Variants in ADD1 observed in about 807,000 individuals in gnomAD.
ADD1 encodes alpha-adducin.
A neutral mutation model predicts 80.5 loss-of-function variants in ADD1; 24 were observed. That is an observed-to-expected ratio of 0.30 (90% confidence interval 0.22 to 0.42). The LOEUF is 0.42. ADD1 is among the 10% of genes least tolerant of loss of function. The pLI is 1.00. For missense variants in ADD1, 948 were observed against 1,019.0 expected (o/e 0.93, Z 0.95); for synonymous variants, 373 against 393.8 (o/e 0.95, Z 0.63).
chr4:2,921,230 C>A lies in ADD1; in HGVS notation c.1949-4784C>A, dbSNP rs1413431935. Among the ~76,000 whole-genome samples, 4 of 152,266 alleles carry A rather than the reference C, an allele frequency of 2.6e-5. No homozygotes were observed. In the East Asian group the frequency reaches 7.7e-4, roughly 29 times the overall value. ...GCAAGCTCCGCCTCCAGGGTTCACA[C>A]CATTCTCCTGCCTCAGCCTCCCCAG... On this transcript the variant is annotated intron_variant, in intron 14 of 15. Coordinates refer to ENST00000683351, the MANE Select transcript of ADD1 (RefSeq NM_001354761.2).
intron 9 of ADD1, among the ~76,000 whole-genome samples, chr4:2,904,355 A>C (rs1411571959): frequency 6.6e-6 from 1 of 152,150 alleles, no homozygotes; most frequent in African/African-American, 2.4e-5. Flanking sequence ...GTTGTTTTGC[A>C]TCTTCTGCAC....
chr4:2,909,073 T>C (rs1737555737), intron 12 of ADD1: 7 of 516,334 alleles, frequency 1.4e-5, no homozygotes, highest in Non-Finnish European at 1.1e-5. Flanking sequence ...ACATTGAAGA[T>C]AATTGTGTAA....
Position 2,898,216 on chromosome 4 carries a change from C to G in ADD1, c.774C>G (p.Ile258Met). Residue 258 changes from isoleucine to methionine, a missense_variant, in exon 7 of 16, where the codon ATC (isoleucine) becomes ATG (methionine). Physicochemically the swap from Ile to Met is conservative, Grantham distance 10 (BLOSUM62 1). Transcript: ENST00000683351. ...CAATGAAATGTGGCCTCTTGCCAAT[C>G]TCCCCGGAGGCGCTTTCCCTTGGAG... ...VSAMKCGLLP[I>M]SPEALSLGEV... The G allele has an allele frequency of 6.2e-7, 1 of 1,613,810 alleles. No homozygotes were observed. The highest frequency in any genetic ancestry group is 8.5e-7 in the Non-Finnish European group (1 of 1,179,830).
rs147240208 is a variant in ADD1 at position 2,919,561 on chromosome 4, T to C, written c.1948+4521T>C. Reference sequence around the variant, plus strand: ...GGTTTGACTTCCTCCTGGTTTAGTCTTGGGAGGGTGTATGTATCCAGGAAT... The same window carrying C: ...GGTTTGACTTCCTCCTGGTTTAGTCCTGGGAGGGTGTATGTATCCAGGAAT... On this transcript the variant is annotated intron_variant, in intron 14 of 15. Coordinates refer to ENST00000683351, the MANE Select transcript of ADD1 (RefSeq NM_001354761.2). 1.1e-3 allele frequency among the ~76,000 whole-genome samples: 167 copies of C among 152,338 alleles called. 1 individual carries two copies. Among genetic ancestry groups the C allele is most frequent in the Admixed American group, 3.6e-3 (55 of 15,314 alleles).
At chr4:2,897,561 T>TA (rs1735459998) in intron 6 of ADD1, among the ~76,000 whole-genome samples, 1 of 147,802 alleles carries the variant, frequency 6.8e-6, no homozygotes, top group South Asian at 2.1e-4. Context: ...TTTTTTTTTT[T>TA]TTTTAGGAGA....
intron 14 of ADD1, among the ~76,000 whole-genome samples, chr4:2,921,350 G>T (rs1281229102): frequency 1.3e-5 from 2 of 152,078 alleles, no homozygotes; most frequent in Admixed American, 1.3e-4. Flanking sequence ...GGATGGTCTC[G>T]ATCTCTTGTC....
rs370224375 is a variant in ADD1 at position 2,852,207 on chromosome 4, C to CCTTTCTTTCCTTTCTTTCCTTT, written c.-21+8188_-21+8189insTTTCCTTTCTTTCCTTTCTTTC. On this transcript the variant is annotated intron_variant, in intron 1 of 15. Transcript: ENST00000683351. Reference sequence around the variant, plus strand: ...CTTTCTTTCTTTCTTTCCTTTCTTTCCTTTCCTTTCTTTCCTTTCTTTCCT... The same window carrying CCTTTCTTTCCTTTCTTTCCTTT: ...CTTTCTTTCTTTCTTTCCTTTCTTTCCTTTCTTTCCTTTCTTTCCTTTCTTTCCTTTCTTTCCTTTCTTTCCT... 1.3e-3 allele frequency among the ~76,000 whole-genome samples: 89 copies of CCTTTCTTTCCTTTCTTTCCTTT among 66,140 alleles called. 1 individual carries two copies. Among genetic ancestry groups the CCTTTCTTTCCTTTCTTTCCTTT allele is most frequent in the Middle Eastern group, 6.2e-3 (1 of 162 alleles). 43.4% of individuals were successfully genotyped at this position (66,140 alleles called of 152,430 possible). A position where few individuals can be genotyped will look rare whatever the true frequency, so the allele number is the denominator to read the frequency against.
intron 1 of ADD1, among the ~76,000 whole-genome samples, chr4:2,845,571 G>A (rs1196344088): frequency 1.3e-5 from 2 of 152,180 alleles, no homozygotes; most frequent in African/African-American, 2.4e-5. Context: ...GTTTCGGAGA[G>A]TCGCTGAGTG....
At chr4:2,894,993 G>A (rs1734956827) in intron 6 of ADD1, among the ~76,000 whole-genome samples, 1 of 152,144 alleles carries the variant, frequency 6.6e-6, no homozygotes. Flanking sequence ...GGGCATGGTG[G>A]CTCATGCCTG....
intron 1 of ADD1, among the ~76,000 whole-genome samples, chr4:2,870,248 C>G (rs1346495900): frequency 6.6e-6 from 1 of 152,208 alleles, no homozygotes; most frequent in Non-Finnish European, 1.5e-5. Flanking sequence ...TTTAGTTACA[C>G]ATTAATAAAG....
chr4:2,857,065 A>G (rs1728190410), intron 1 of ADD1, among the ~76,000 whole-genome samples: 1 of 150,892 alleles, frequency 6.6e-6, no homozygotes, highest in South Asian at 2.1e-4. Context: ...GGCTCATGCC[A>G]CCACGCCTGG....
At chr4:2,867,726 C>G (rs899357573) in intron 1 of ADD1, 1 of 152,176 alleles carries the variant, frequency 6.6e-6, no homozygotes, top group Non-Finnish European at 1.5e-5. Flanking sequence ...TAGGCTGGGA[C>G]AAATTGCTGT....
At chr4:2,867,377 A>G (rs1015066799) in intron 1 of ADD1, among the ~76,000 whole-genome samples, 1 of 152,090 alleles carries the variant, frequency 6.6e-6, no homozygotes, top group African/African-American at 2.4e-5. Context: ...AGTGGAACCA[A>G]CCTCTGATTT....
Position 2,919,657 on chromosome 4 carries a change from G to A in ADD1, c.1948+4617G>A, listed in dbSNP as rs935053589. Among the ~76,000 whole-genome samples, 13 of 152,232 alleles carry A rather than the reference G, an allele frequency of 8.5e-5. No individual in the cohort carries two copies. In the South Asian group the frequency reaches 1.9e-3, roughly 22 times the overall value. On this transcript the variant is annotated intron_variant, in intron 14 of 15. Transcript: ENST00000683351. ...TCATAGTATTCTCTGATGGTAGTTC[G>A]TATTTCTGTGGGATCAGTGGTGATC...
At chr4:2,920,657 C>CTTTTTTTTT (rs55649630) in intron 14 of ADD1, among the ~76,000 whole-genome samples, 2,300 of 135,230 alleles carry the variant, frequency 0.017, 37 homozygotes, top group African/African-American at 0.046. Flanking sequence ...GCAACTCCTG[C>CTTTTTTTTT]TTTTTTTTTT....
intron 1 of ADD1, among the ~76,000 whole-genome samples, chr4:2,859,050 G>C (rs983558990): frequency 1.3e-5 from 2 of 152,126 alleles, no homozygotes; most frequent in Non-Finnish European, 2.9e-5. Context: ...TGGGCCCTGC[G>C]CCTCTATGTC....
chr4:2,846,223 T>TCC (rs1237295335), intron 1 of ADD1, among the ~76,000 whole-genome samples: 2 of 152,222 alleles, frequency 1.3e-5, no homozygotes, highest in Non-Finnish European at 2.9e-5. Flanking sequence ...ATTGATAGTT[T>TCC]CCCCTCCATA....
Position 2,928,628 on chromosome 4 carries a change from G to C in ADD1, c.*105G>C. On this transcript the variant is annotated 3_prime_UTR_variant, in exon 16 of 16. Transcript: ENST00000683351. ...GTGTAATGGAATGCAAAAAAGCCAA[G>C]CCCTCCGCCTAGAGGTCCCCTCACG... 7.7e-7 allele frequency: 1 copy of C among 1,296,384 alleles called. No individual in the cohort carries two copies. The highest frequency in any genetic ancestry group is 1.3e-5 in the South Asian group (1 of 75,162). The allele number at this position is 1,296,384 out of a possible 1,614,324, so 80.3% of individuals were successfully genotyped here.
rs188454706 is a variant in ADD1, at chr4:2,861,945, A to G, written c.-20-13951A>G. Among the ~76,000 whole-genome samples, 174 of 152,324 alleles carry G rather than the reference A, an allele frequency of 1.1e-3. 1 individual carries two copies. The highest frequency in any genetic ancestry group is 3.6e-3 in the Admixed American group (55 of 15,300). Reference sequence around the variant, plus strand: ...AACATTATGAGATTTAAGTTCATCAACTATCATTAGTGTTAGTGTATTTTA... The same window carrying G: ...AACATTATGAGATTTAAGTTCATCAGCTATCATTAGTGTTAGTGTATTTTA... On this transcript the variant is annotated intron_variant, in intron 1 of 15. Transcript: ENST00000683351.
Sources: allele counts gnomAD v4.1 joint callset (sites outside exome capture counted in the v4.1 genomes callset), GRCh38; gene constraint gnomAD v4.1.1; transcripts MANE v1.5; gene names NCBI Gene and HGNC (gene_info 2026-07-23, HGNC 2026-07-21).